The following ALCAM variants were observed in gnomAD, a reference collection of about 807,000 sequenced individuals.
The protein encoded by ALCAM is activated leukocyte cell adhesion molecule, also known as CD166 antigen.
A neutral mutation model predicts 70.9 loss-of-function variants in ALCAM; 30 were observed. The ratio of observed to expected loss-of-function variants is 0.42; its 90% confidence interval spans 0.32 to 0.57. ALCAM has a LOEUF of 0.57. Among genes scored for constraint, ALCAM ranks in the 20% least tolerant of loss-of-function variants. ALCAM has a pLI of 0.11. For synonymous variants in ALCAM, 249 were observed against 242.5 expected, an observed-to-expected ratio of 1.03 and a Z score of -0.25; for missense variants, 591 against 695.1, an observed-to-expected ratio of 0.85 and a Z score of 1.68.
In ALCAM at chr3:105,367,465, C is replaced by T; in HGVS notation, c.57C>T (p.Ala19=). The part of the protein sequence containing the change: ...CRLLFCLLIS[A]TVFRPGLGWY... ...TGCTCTTCTGCCTCTTGATCTCCGC[C>T]ACCGTCTTCAGGCCAGGTGAGCAAG... is the stretch of plus-strand genomic sequence containing the variant. Residue 19 remains alanine, a synonymous_variant, in exon 1 of 16, where the codon GCC becomes GCT. Coordinates refer to ENST00000306107, the MANE Select transcript of ALCAM (RefSeq NM_001627.4). 6.2e-7 allele frequency: 1 copy of T among 1,614,052 alleles called. No homozygotes were observed. Among genetic ancestry groups the T allele is most frequent in the South Asian group, 1.1e-5 (1 of 91,080 alleles).
At chr3:105,553,321 G>C in intron 14 of ALCAM, 1 of 175,804 alleles carries the variant, frequency 5.7e-6, no homozygotes, top group Non-Finnish European at 1.1e-5. Flanking sequence ...CCTAGATTCA[G>C]ATACCATTGA....
intron 1 of ALCAM, among the ~76,000 whole-genome samples, chr3:105,377,711 C>T (rs894600175): frequency 6.6e-6 from 1 of 151,992 alleles, no homozygotes; most frequent in African/African-American, 2.4e-5. Context: ...GTTCTTTCTA[C>T]ATAAGATTGC....
At chr3:105,387,325 AC>A (rs1324805281) in intron 1 of ALCAM, among the ~76,000 whole-genome samples, 1 of 151,492 alleles carries the variant, frequency 6.6e-6, no homozygotes, top group Non-Finnish European at 1.5e-5. Flanking sequence ...CTTTTACTTT[AC>A]TTTTTTGTTG....
intron 12 of ALCAM, 39 bp from the exon 13 acceptor site, chr3:105,552,105 A>T: frequency 6.6e-7 from 1 of 1,513,684 alleles, no homozygotes; most frequent in Non-Finnish European, 9.0e-7. Flanking sequence ...ATATCAACAA[A>T]TTTTGTTTTT....
In ALCAM at chr3:105,381,309, G is replaced by T. The variant is rs375011532; in HGVS notation, c.73+13828G>T. The stretch of plus-strand genomic sequence containing the variant: ...ATAGATATTATACATAAAGAAGAGA[G>T]GCCACAGGTTCAGAATTATAAAATT... On this transcript the variant is annotated intron_variant, in intron 1 of 15. Coordinates refer to ENST00000306107, the MANE Select transcript of ALCAM (RefSeq NM_001627.4). 3.3e-5 allele frequency among the ~76,000 whole-genome samples: 5 copies of T among 151,956 alleles called. No individual in the cohort carries two copies. The East Asian group carries it at 5.8e-4, about 18-fold the overall frequency.
At chr3:105,373,125 T>G (rs1321138677) in intron 1 of ALCAM, among the ~76,000 whole-genome samples, 1 of 152,148 alleles carries the variant, frequency 6.6e-6, no homozygotes, top group African/African-American at 2.4e-5. Context: ...AATACCCTTT[T>G]CATGTTATGA....
intron 1 of ALCAM, among the ~76,000 whole-genome samples, chr3:105,507,296 C>T (rs554404492): frequency 6.6e-6 from 1 of 152,158 alleles, no homozygotes; most frequent in Admixed American, 6.5e-5. Flanking sequence ...TAGTCCCTAG[C>T]TTACATTAGA....
intron 1 of ALCAM, among the ~76,000 whole-genome samples, chr3:105,509,759 G>C (rs867735650): frequency 6.6e-6 from 1 of 151,762 alleles, no homozygotes; most frequent in African/African-American, 2.4e-5. Context: ...TAATTTTGTT[G>C]CCTGTGCTTT....
intron 1 of ALCAM, among the ~76,000 whole-genome samples, chr3:105,424,809 GAA>G (rs962387206): frequency 1.3e-5 from 2 of 151,670 alleles, no homozygotes; most frequent in African/African-American, 4.8e-5. Context: ...ATATTTATAA[GAA>G]ACAAATGATA....
chr3:105,450,725 G>A (rs956094788), intron 1 of ALCAM, among the ~76,000 whole-genome samples: 1 of 152,038 alleles, frequency 6.6e-6, no homozygotes, highest in Non-Finnish European at 1.5e-5. Context: ...ATGTATTTTG[G>A]TAAATTTGTA....
chr3:105,524,681 G>C (rs1939651276), intron 3 of ALCAM, 173 bp downstream of exon 3: 2 of 1,331,420 alleles, frequency 1.5e-6, no homozygotes, highest in Non-Finnish European at 1.9e-6. Context: ...AGAAAACAAA[G>C]AGTATGAAAT....
chr3:105,552,610 A>C (rs969716781), intron 14 of ALCAM, 25 bp downstream of exon 14: 7 of 1,610,538 alleles, frequency 4.3e-6, no homozygotes, highest in Non-Finnish European at 5.9e-6. Flanking sequence ...AAAGATCTTC[A>C]TCGTTCATTG....
chr3:105,488,059 A>T (rs1257009780), intron 1 of ALCAM, among the ~76,000 whole-genome samples: 1 of 151,894 alleles, frequency 6.6e-6, no homozygotes, highest in Non-Finnish European at 1.5e-5. Flanking sequence ...GCTGTGAGTG[A>T]CTTTTTACTT....
intron 6 of ALCAM, among the ~76,000 whole-genome samples, chr3:105,538,374 T>C (rs778818572): frequency 6.6e-6 from 1 of 152,094 alleles, no homozygotes; most frequent in African/African-American, 2.4e-5. Context: ...GATTTACTAG[T>C]GGGCAGAGTA....
intron 1 of ALCAM, among the ~76,000 whole-genome samples, chr3:105,396,142 T>C (rs1935946151): frequency 6.6e-6 from 1 of 152,048 alleles, no homozygotes; most frequent in Non-Finnish European, 1.5e-5. Flanking sequence ...TTAATATTTA[T>C]TAGACACTCA....
intron 1 of ALCAM, among the ~76,000 whole-genome samples, chr3:105,480,440 G>A (rs141249349): frequency 6.6e-6 from 1 of 152,284 alleles, no homozygotes; most frequent in African/African-American, 2.4e-5. Context: ...GAGTGTTTGT[G>A]TGTCAGGTGT....
chr3:105,500,117 A>G (rs1175963102), intron 1 of ALCAM, among the ~76,000 whole-genome samples: 1 of 152,016 alleles, frequency 6.6e-6, no homozygotes, highest in Non-Finnish European at 1.5e-5. Context: ...ATATCAGTTA[A>G]TGTCTCCCAA....
At chr3:105,544,971 T>G in intron 8 of ALCAM, 1 of 389,590 alleles carries the variant, frequency 2.6e-6, no homozygotes, top group Non-Finnish European at 4.9e-6. Context: ...CCTCAAAATA[T>G]CAATCACGTT....
At chr3:105,447,409 G>C (rs1278007242) in intron 1 of ALCAM, among the ~76,000 whole-genome samples, 1 of 152,146 alleles carries the variant, frequency 6.6e-6, no homozygotes, top group African/African-American at 2.4e-5. Context: ...CCTGTTAAGA[G>C]GAAGCTAAGA....
Sources: gnomAD v4.1 joint callset for allele counts (sites outside exome capture counted in the v4.1 genomes callset) on GRCh38, gnomAD v4.1.1 for gene constraint, MANE v1.5 for transcripts, NCBI Gene and HGNC (gene_info 2026-07-23, HGNC 2026-07-21) for gene names.